The following NOS1AP variants were observed in gnomAD, a reference collection of about 807,000 sequenced individuals.
NOS1AP encodes carboxyl-terminal PDZ ligand of neuronal nitric oxide synthase protein.
A neutral mutation model predicts 56.2 loss-of-function variants in NOS1AP; 21 were observed. The observed-to-expected ratio is 0.37, with a 90% CI of 0.26 to 0.54. NOS1AP has a LOEUF of 0.54. Among genes scored for constraint, NOS1AP ranks in the 20% least tolerant of loss-of-function variants. The pLI is 0.84. For missense variants in NOS1AP, 522 were observed against 657.8 expected (o/e 0.79, Z 2.26); for synonymous variants, 270 against 274.6 (o/e 0.98, Z 0.17).
chr1:162,174,724 A>G (rs1650980637), intron 2 of NOS1AP, among the ~76,000 whole-genome samples: 1 of 152,204 alleles, frequency 6.6e-6, no homozygotes, highest in South Asian at 2.1e-4. Flanking sequence ...TAATGAACTG[A>G]TATTGATATA....
intron 1 of NOS1AP, among the ~76,000 whole-genome samples, chr1:162,141,395 C>T (rs1392170753): frequency 6.6e-6 from 1 of 152,164 alleles, no homozygotes; most frequent in African/African-American, 2.4e-5. Context: ...GGGTCATAGC[C>T]TCTCTCACTT....
intron 2 of NOS1AP, among the ~76,000 whole-genome samples, chr1:162,181,902 G>C (rs1651277435): frequency 6.6e-6 from 1 of 152,190 alleles, no homozygotes; most frequent in Non-Finnish European, 1.5e-5. Flanking sequence ...CTTTTCTGGG[G>C]ATGACCTAAG....
rs1654224579 is a variant in NOS1AP, at chr1:162,261,509, A to AGAGAG, written c.178-25834_178-25830dup. On this transcript the variant is annotated intron_variant, in intron 2 of 9. Coordinates refer to ENST00000361897, the MANE Select transcript of NOS1AP (RefSeq NM_014697.3). ...GAGAGAGAGAGAGAGAGAGAGAGAG[A>AGAGAG]GAGAGAGAGAGAGAGAGAGAGAGAG... is the stretch of plus-strand genomic sequence containing the variant. Among the ~76,000 whole-genome samples the AGAGAG allele has an allele frequency of 2.0e-4, 3 of 15,164 alleles. 1 individual carries two copies. Among genetic ancestry groups the AGAGAG allele is most frequent in the Non-Finnish European group, 4.9e-4 (3 of 6,150 alleles). The allele number at this position is 15,164 out of a possible 152,430, so 9.9% of individuals were successfully genotyped here.
At chr1:162,074,697 C>T (rs956051718) in intron 1 of NOS1AP, among the ~76,000 whole-genome samples, 6 of 152,208 alleles carry the variant, frequency 3.9e-5, no homozygotes, top group African/African-American at 7.2e-5. Flanking sequence ...GGAATTCAGG[C>T]AGGGCTTGGC....
Position 162,261,539 on chromosome 1 carries a change from A to AGAGAGAGAGAGAAGAGAG in NOS1AP, c.178-25798_178-25797insAGAGAAGAGAGGAGAGAG. The stretch of plus-strand genomic sequence containing the variant: ...GAGAGAGAGAGAGAGAGAGAGAGAG[A>AGAGAGAGAGAGAAGAGAG]GAGAGAGCAATGAAATGACTGGAAC... On this transcript the variant is annotated intron_variant, in intron 2 of 9. Transcript: ENST00000361897. Among the ~76,000 whole-genome samples the AGAGAGAGAGAGAAGAGAG allele has an allele frequency of 1.2e-4, 2 of 16,912 alleles. 1 individual carries two copies. Among genetic ancestry groups the AGAGAGAGAGAGAAGAGAG allele is most frequent in the African/African-American group, 2.7e-4 (2 of 7,420 alleles). 11.1% of individuals were successfully genotyped at this position (16,912 alleles called of 152,430 possible).
intron 2 of NOS1AP, among the ~76,000 whole-genome samples, chr1:162,234,468 A>G (rs1275660388): frequency 2.0e-5 from 3 of 149,066 alleles, no homozygotes; most frequent in Non-Finnish European, 4.5e-5. Context: ...TGTCTCTTTT[A>G]TAGAAATTTT....
At chr1:162,191,408 A>G (rs1054198526) in intron 2 of NOS1AP, among the ~76,000 whole-genome samples, 2 of 152,130 alleles carry the variant, frequency 1.3e-5, no homozygotes, top group African/African-American at 4.8e-5. Flanking sequence ...ACTATGGTGC[A>G]GGGGTTTGTG....
At chr1:162,154,318 G>T in intron 1 of NOS1AP, 87 bp from the exon 2 acceptor site, 3 of 1,137,132 alleles carry the variant, frequency 2.6e-6, no homozygotes, top group East Asian at 2.4e-5. Context: ...ATGGGCAGAT[G>T]AGCTAGTCCT....
chr1:162,080,988 TG>T (rs1190650376), intron 1 of NOS1AP, among the ~76,000 whole-genome samples: 2 of 152,182 alleles, frequency 1.3e-5, no homozygotes. Context: ...CATCTAGTAG[TG>T]GGTAGATCCC....
intron 2 of NOS1AP, among the ~76,000 whole-genome samples, chr1:162,265,418 C>T (rs1181415260): frequency 6.7e-6 from 1 of 148,746 alleles, no homozygotes; most frequent in African/African-American, 2.5e-5. Flanking sequence ...GTGATGTTCC[C>T]CTTCCTGTGT....
At chr1:162,107,142 A>G (rs1647545137) in intron 1 of NOS1AP, among the ~76,000 whole-genome samples, 1 of 152,200 alleles carries the variant, frequency 6.6e-6, no homozygotes, top group South Asian at 2.1e-4. Flanking sequence ...AAAGAACAAG[A>G]TACCACTTGT....
At chr1:162,265,476 G>T (rs1441478079) in intron 2 of NOS1AP, among the ~76,000 whole-genome samples, 1 of 151,008 alleles carries the variant, frequency 6.6e-6, no homozygotes, top group Admixed American at 6.6e-5. Flanking sequence ...AGAACATGCG[G>T]TGTTTGGTTT....
At chr1:162,222,589 G>T (rs1652816503) in intron 2 of NOS1AP, among the ~76,000 whole-genome samples, 1 of 152,104 alleles carries the variant, frequency 6.6e-6, no homozygotes, top group Non-Finnish European at 1.5e-5. Context: ...CAAATTATTT[G>T]ATGCTAACTC....
intron 2 of NOS1AP, among the ~76,000 whole-genome samples, chr1:162,264,404 TCTTCTCTTCC>T (rs1399669460): frequency 0.011 from 43 of 3,924 alleles, 1 homozygote; most frequent in African/African-American, 0.014. Context: ...TGCCCTCTCC[TCTTCTCTTCC>T]CTTCTCTTCC....
At chr1:162,332,960 T>G in intron 4 of NOS1AP, 57 bp from the exon 5 acceptor site, 2 of 1,193,164 alleles carry the variant, frequency 1.7e-6, no homozygotes, top group Non-Finnish European at 2.5e-6. Flanking sequence ...GCTTTCCTGG[T>G]TGGAGATTTG....
intron 4 of NOS1AP, among the ~76,000 whole-genome samples, chr1:162,316,254 A>G (rs919899168): frequency 3.3e-5 from 5 of 152,226 alleles, no homozygotes; most frequent in Admixed American, 2.6e-4. Flanking sequence ...ATAGAAGATA[A>G]CAAGCAGCAC....
chr1:162,280,542 T>TTC (rs1228897718), intron 2 of NOS1AP, among the ~76,000 whole-genome samples: 4 of 152,192 alleles, frequency 2.6e-5, no homozygotes, highest in Non-Finnish European at 5.9e-5. Context: ...GAATAAACAT[T>TTC]TCTAAAGCCT....
chr1:162,096,273 A>G (rs1321814782), intron 1 of NOS1AP, among the ~76,000 whole-genome samples: 1 of 152,226 alleles, frequency 6.6e-6, no homozygotes, highest in Non-Finnish European at 1.5e-5. Context: ...ATGATGGGGA[A>G]GTCTTCACTT....
chr1:162,188,986 A>G lies in NOS1AP; in HGVS notation c.177+34510A>G, dbSNP rs2102153219. 6.6e-6 allele frequency among the ~76,000 whole-genome samples: 1 copy of G among 152,248 alleles called. No homozygotes were observed. The highest frequency in any genetic ancestry group is 6.5e-5 in the Admixed American group (1 of 15,300). The stretch of plus-strand genomic sequence containing the variant: ...GCAGGAGAATCACTTGAACCCAAGA[A>G]GCGGAGGTTGCAGTGAGCCGAGATT... On this transcript the variant is annotated intron_variant, in intron 2 of 9. Coordinates refer to ENST00000361897, the MANE Select transcript of NOS1AP (RefSeq NM_014697.3). This position sits in a 1 kb window ranked among gnomAD's most constrained non-coding sequence, Gnocchi z 4.0.
Sources: gnomAD v4.1 joint callset for allele counts (sites outside exome capture counted in the v4.1 genomes callset) on GRCh38, gnomAD v4.1.1 for gene constraint, Gnocchi (gnomAD v3.1) non-coding constraint, MANE v1.5 for transcripts, NCBI Gene and HGNC (gene_info 2026-07-23, HGNC 2026-07-21) for gene names.